The following STAT4 variants were observed in gnomAD, a reference collection of about 807,000 sequenced individuals.
STAT4 encodes the protein signal transducer and activator of transcription 4.
In STAT4, 42 loss-of-function variants were observed where a neutral mutation model predicts 110.5. The observed-to-expected ratio is 0.38, with a 90% CI of 0.30 to 0.49. The LOEUF (loss-of-function observed/expected upper bound fraction) is 0.49. Among genes scored for constraint, STAT4 ranks in the 20% least tolerant of loss-of-function variants. The pLI is 0.95. For missense variants in STAT4, 632 were observed against 887.9 expected (o/e 0.71, Z 3.66); for synonymous variants, 284 against 302.2 (o/e 0.94, Z 0.63).
At chr2:191,036,351 A>T in intron 16 of STAT4, 52 bp from the exon 17 acceptor site, 1 of 1,596,026 alleles carries the variant, frequency 6.3e-7, no homozygotes, top group East Asian at 2.2e-5. Context: ...GTGGGTAGCT[A>T]GTGAGGTGTG....
At chr2:191,136,965 A>C (rs1303968959) in intron 3 of STAT4, among the ~76,000 whole-genome samples, 1 of 152,226 alleles carries the variant, frequency 6.6e-6, no homozygotes, top group Non-Finnish European at 1.5e-5. Context: ...TATAATACCT[A>C]TAAAAAATAA....
In STAT4 at chr2:191,135,539, T is replaced by A. The variant is rs1475306433; in HGVS notation, c.273+11074A>T. The stretch of plus-strand genomic sequence containing the variant: ...CCCAGGCTGGAGTGCAGTGGCGTGA[T>A]CTCAGCTCACTGCAACCTCCGCCTC... On this transcript the variant is annotated intron_variant, in intron 3 of 23. Coordinates refer to ENST00000392320, the MANE Select transcript of STAT4 (RefSeq NM_003151.4). The surrounding 1 kb of genome is among the most constrained non-coding windows in gnomAD (Gnocchi z 4.8). Among the ~76,000 whole-genome samples the A allele has an allele frequency of 1.3e-5, 2 of 152,212 alleles. No individual in the cohort carries two copies. The highest frequency in any genetic ancestry group is 2.9e-5 in the Non-Finnish European group (2 of 68,030).
At chr2:191,063,072 G>T in intron 8 of STAT4, 152 bp from the exon 9 acceptor site, 1 of 693,502 alleles carries the variant, frequency 1.4e-6, no homozygotes, top group East Asian at 3.5e-5. Context: ...GTTAGAGACA[G>T]TTTTTATTTT....
At chr2:191,118,794 T>C (rs926332071) in intron 3 of STAT4, among the ~76,000 whole-genome samples, 3 of 152,230 alleles carry the variant, frequency 2.0e-5, no homozygotes, top group African/African-American at 4.8e-5. Context: ...GGTCTCACTC[T>C]GTAGACCAGG....
intron 3 of STAT4, among the ~76,000 whole-genome samples, chr2:191,133,597 T>A (rs1699101593): frequency 6.6e-6 from 1 of 151,768 alleles, no homozygotes; most frequent in Non-Finnish European, 1.5e-5. Context: ...ATAGATTTTT[T>A]ATTTTTTCAT....
rs965138350 is a variant in STAT4 at position 191,116,651 on chromosome 2, A to T, written c.273+29962T>A. Among the ~76,000 whole-genome samples the T allele has an allele frequency of 6.6e-6, 1 of 152,156 alleles. No individual in the cohort carries two copies. The highest frequency in any genetic ancestry group is 1.5e-5 in the Non-Finnish European group (1 of 68,016). On this transcript the variant is annotated intron_variant, in intron 3 of 23. Coordinates refer to ENST00000392320, the MANE Select transcript of STAT4 (RefSeq NM_003151.4). The surrounding 1 kb of genome is among the most constrained non-coding windows in gnomAD (Gnocchi z 4.1). ...GGACACCACTGAAGGCTGCTTGAAG[A>T]CTCAGCTCCAGTATAATTACTTGCA...
intron 3 of STAT4, among the ~76,000 whole-genome samples, chr2:191,089,144 G>A (rs1697718732): frequency 6.6e-6 from 1 of 152,114 alleles, no homozygotes; most frequent in Non-Finnish European, 1.5e-5. Context: ...GAAAGTCACA[G>A]GCTAGGAGAG....
rs555130834 is a variant in STAT4 at position 191,106,079 on chromosome 2, T to C, written c.274-29754A>G. 7.2e-5 allele frequency among the ~76,000 whole-genome samples: 11 copies of C among 152,278 alleles called. No individual in the cohort carries two copies. In the East Asian group the frequency reaches 1.5e-3, roughly 21 times the overall value. On this transcript the variant is annotated intron_variant, in intron 3 of 23. Coordinates refer to ENST00000392320, the MANE Select transcript of STAT4 (RefSeq NM_003151.4). ...TTGGTCAGGTCATTACCGCCTCAACTGAATCATCAGTAATATTAAGAGTTG... is the reference window on the plus strand; with the variant it reads ...TTGGTCAGGTCATTACCGCCTCAACCGAATCATCAGTAATATTAAGAGTTG...
chr2:191,092,103 T>C (rs1243234468), intron 3 of STAT4, among the ~76,000 whole-genome samples: 1 of 152,206 alleles, frequency 6.6e-6, no homozygotes, highest in Non-Finnish European at 1.5e-5. Flanking sequence ...TGGATCTTTA[T>C]ATAAAGAATT....
intron 3 of STAT4, among the ~76,000 whole-genome samples, chr2:191,127,572 T>C (rs1168654811): frequency 6.6e-6 from 1 of 152,258 alleles, no homozygotes; most frequent in African/African-American, 2.4e-5. Flanking sequence ...CTAAGCACTC[T>C]TCACTTTATG....
At chr2:191,133,745 G>C (rs1037525120) in intron 3 of STAT4, among the ~76,000 whole-genome samples, 5 of 151,722 alleles carry the variant, frequency 3.3e-5, no homozygotes, top group African/African-American at 9.7e-5. Flanking sequence ...TTTTGCAACA[G>C]TAAGTCCAAT....
chr2:191,055,287 C>A (rs1175839758), intron 13 of STAT4, among the ~76,000 whole-genome samples: 1 of 151,658 alleles, frequency 6.6e-6, no homozygotes, highest in African/African-American at 2.4e-5. Context: ...CAAGCTCCAC[C>A]TCCAGGGTTC....
intron 6 of STAT4, among the ~76,000 whole-genome samples, chr2:191,067,080 C>T (rs1179713050): frequency 2.0e-5 from 3 of 147,194 alleles, no homozygotes; most frequent in Non-Finnish European, 3.0e-5. Flanking sequence ...TTTCAAAATG[C>T]GCTCGCCTCA....
intron 3 of STAT4, among the ~76,000 whole-genome samples, chr2:191,134,767 A>C (rs961748927): frequency 2.6e-5 from 4 of 152,200 alleles, no homozygotes; most frequent in African/African-American, 9.6e-5. Flanking sequence ...AGAAATCAAC[A>C]ACAAAAGGCA....
chr2:191,076,295 C>T lies in STAT4; in HGVS notation c.304G>A (p.Ala102Thr). Reference sequence around the variant, plus strand: ...CTTAAACAGTTTGAAATAACCACAGCTACATGCATTGGATTTCCATGAAAT... The same window carrying T: ...CTTAAACAGTTTGAAATAACCACAGTTACATGCATTGGATTTCCATGAAAT... ...GKFHGNPMHV[A>T]VVISNCLREE... Residue 102 changes from alanine to threonine, a missense_variant, in exon 4 of 24, where the codon GCT (alanine) becomes ACT (threonine). Ala to Thr is a moderately conservative substitution (Grantham distance 58, BLOSUM62 0). Around this residue, in one of 4 missense-constraint regions of STAT4, gnomAD observed 488 missense variants for 632.8 expected, o/e 0.77. Coordinates refer to ENST00000392320, the MANE Select transcript of STAT4 (RefSeq NM_003151.4). 1 of 1,606,116 alleles carries T rather than the reference C, an allele frequency of 6.2e-7. No individual in the cohort carries two copies. The highest frequency in any genetic ancestry group is 8.5e-7 in the Non-Finnish European group (1 of 1,177,394).
At position 191,108,606 on chromosome 2, in the gene STAT4, A is replaced by G. The variant is rs536377109; in HGVS notation, c.274-32281T>C. Among the ~76,000 whole-genome samples the G allele has an allele frequency of 2.2e-4, 34 of 152,322 alleles. 1 individual carries two copies. The highest frequency in any genetic ancestry group is 7.5e-4 in the African/African-American group (31 of 41,558). On this transcript the variant is annotated intron_variant, in intron 3 of 23. Transcript: ENST00000392320. ...TTTCACTTCAGCACTTCATGCATGC[A>G]AGTTATACAGAGCTTAAAAGCACAT...
At chr2:191,134,420 C>A (rs1259180331) in intron 3 of STAT4, among the ~76,000 whole-genome samples, 1 of 152,182 alleles carries the variant, frequency 6.6e-6, no homozygotes, top group Admixed American at 6.5e-5. Context: ...CTGGTGCCAG[C>A]ATACTCCACA....
chr2:191,049,648 AT>A (rs1696464320), intron 14 of STAT4, among the ~76,000 whole-genome samples: 1 of 152,214 alleles, frequency 6.6e-6, no homozygotes, highest in African/African-American at 2.4e-5. Context: ...TAACCCTTTC[AT>A]TTAGTGAATA....
intron 17 of STAT4, 95 bp downstream of exon 17, chr2:191,036,069 A>G: frequency 7.2e-7 from 1 of 1,385,302 alleles, no homozygotes. Context: ...TATGATTATC[A>G]TCTTTATTAT....
Sources: allele counts gnomAD v4.1 joint callset (sites outside exome capture counted in the v4.1 genomes callset), GRCh38; gene constraint gnomAD v4.1.1; regional missense constraint gnomAD v4.1.1; non-coding constraint Gnocchi (gnomAD v3.1); transcripts MANE v1.5; gene names NCBI Gene and HGNC (gene_info 2026-07-23, HGNC 2026-07-21).